AOPEP: variants seen among roughly 807,000 people sequenced by gnomAD.
The protein encoded by AOPEP is aminopeptidase O (putative), also known as aminopeptidase O.
A neutral mutation model predicts 98.1 loss-of-function variants in AOPEP; 77 were observed. The ratio of observed to expected loss-of-function variants is 0.78; its 90% CI spans 0.65 to 0.95. The LOEUF (loss-of-function observed/expected upper bound fraction) is 0.95, where lower values mean the gene tolerates loss of function less well. Ranked by LOEUF, AOPEP falls within the 40% of genes least tolerant of loss-of-function variation. The pLI, the probability that AOPEP is intolerant of heterozygous loss-of-function variation, is 0.00. For synonymous variants in AOPEP, 346 were observed against 365.3 expected (o/e 0.95, Z 0.60); for missense variants, 1,024 against 1,024.7 (o/e 1.00, Z 0.01).
At chr9:94,895,227 AATAAAATAAAAT>A (rs1227529614) in intron 5 of AOPEP, among the ~76,000 whole-genome samples, 2 of 21,450 alleles carry the variant, frequency 9.3e-5, no homozygotes, top group Admixed American at 4.6e-4. Flanking sequence ...ACTAAAAAAA[AATAAAATAAAAT>A]AAAAAAAAAA....
intron 9 of AOPEP, among the ~76,000 whole-genome samples, chr9:94,960,873 G>A (rs1589087645): frequency 6.6e-6 from 1 of 151,960 alleles, no homozygotes; most frequent in Non-Finnish European, 1.5e-5. Context: ...TTAGCCGGGC[G>A]CGGTGGGGGG....
At chr9:94,893,429 G>A (rs921298077) in intron 5 of AOPEP, among the ~76,000 whole-genome samples, 1 of 152,160 alleles carries the variant, frequency 6.6e-6, no homozygotes, top group African/African-American at 2.4e-5. Flanking sequence ...TTTCATGGAT[G>A]AGTCCAGACT....
At chr9:95,115,970 G>A in the AOPEP span, among the ~76,000 whole-genome samples, 2 of 152,310 alleles carry the variant, frequency 1.3e-5, no homozygotes, top group South Asian at 4.1e-4. Context: ...TCTTCAATCT[G>A]TGACCATAAC....
intron 16 of AOPEP, chr9:95,082,977 C>T (rs1272941534): frequency 2.1e-6 from 1 of 472,828 alleles, no homozygotes; most frequent in Non-Finnish European, 3.8e-6. Context: ...AGCGGCACTC[C>T]TTGGCACTAT....
intron 7 of AOPEP, among the ~76,000 whole-genome samples, chr9:94,934,353 A>G (rs1260320662): frequency 1.8e-5 from 2 of 112,976 alleles, no homozygotes; most frequent in African/African-American, 4.0e-5. Flanking sequence ...GTCTGGCTCT[A>G]TTGCCCAGGC....
chr9:95,085,329 G>T (rs370281639), intron 16 of AOPEP: 3 of 482,588 alleles, frequency 6.2e-6, no homozygotes, highest in African/African-American at 3.9e-5. Context: ...CCGTGGTCGC[G>T]CTCACTGCAG....
chr9:95,083,399 CGCACGCACCACGCAGA>C (rs1328205297), intron 16 of AOPEP, among the ~76,000 whole-genome samples: 1 of 146,930 alleles, frequency 6.8e-6, no homozygotes, highest in Non-Finnish European at 1.5e-5. Flanking sequence ...GCACACACAG[CGCACGCACCACGCAGA>C]GCACACACGG....
intron 11 of AOPEP, among the ~76,000 whole-genome samples, chr9:94,985,304 C>T (rs1248560057): frequency 6.6e-6 from 1 of 152,244 alleles, no homozygotes; most frequent in Non-Finnish European, 1.5e-5. Flanking sequence ...CGAGCAAACA[C>T]CTGCAAGTTG....
chr9:95,101,640 T>TC, the AOPEP span: 1 of 1,591,912 alleles, frequency 6.3e-7, no homozygotes, highest in Admixed American at 1.7e-5. Flanking sequence ...CCACAGGTCA[T>TC]CACCTGTCCT....
chr9:95,108,774 T>G, the AOPEP span, among the ~76,000 whole-genome samples: 1 of 152,232 alleles, frequency 6.6e-6, no homozygotes. Context: ...TCGGTTTATA[T>G]ACTTCTTGTC....
At chr9:94,732,715 T>A (rs566717990) in intron 1 of AOPEP, among the ~76,000 whole-genome samples, 1 of 152,206 alleles carries the variant, frequency 6.6e-6, no homozygotes, top group African/African-American at 2.4e-5. Flanking sequence ...GAGAAATGGG[T>A]TGTTCTCTCC....
At chr9:95,091,385 G>C (rs1305123480), downstream of AOPEP, among the ~76,000 whole-genome samples, 1 of 152,200 alleles carries the variant, frequency 6.6e-6, no homozygotes, top group Non-Finnish European at 1.5e-5. Flanking sequence ...TAAGCGGGGT[G>C]CTGCCTGGCA....
At chr9:95,086,044 T>C (rs746151874) in intron 16 of AOPEP, 13 of 1,367,510 alleles carry the variant, frequency 9.5e-6, no homozygotes, top group South Asian at 1.1e-5. Flanking sequence ...TGAGCTGATA[T>C]CAGTTCTCAT....
intron 5 of AOPEP, among the ~76,000 whole-genome samples, chr9:94,891,132 T>C (rs890157713): frequency 6.6e-6 from 1 of 152,236 alleles, no homozygotes; most frequent in African/African-American, 2.4e-5. Context: ...GTTTAGTGCA[T>C]ACACATTTAG....
At chr9:94,735,411 A>T (rs908301344) in intron 1 of AOPEP, among the ~76,000 whole-genome samples, 1 of 151,934 alleles carries the variant, frequency 6.6e-6, no homozygotes, top group Admixed American at 6.6e-5. Flanking sequence ...TAGTAGAGAC[A>T]GGGTTTCACC....
At chr9:94,957,680 C>G (rs1166197651) in intron 9 of AOPEP, among the ~76,000 whole-genome samples, 1 of 152,196 alleles carries the variant, frequency 6.6e-6, no homozygotes, top group Non-Finnish European at 1.5e-5. Flanking sequence ...TCACCAAACC[C>G]AGAAGAAATC....
intron 1 of AOPEP, among the ~76,000 whole-genome samples, chr9:94,758,649 A>G (rs1339323586): frequency 3.3e-5 from 5 of 152,192 alleles, no homozygotes; most frequent in East Asian, 3.8e-4. Flanking sequence ...TATTTTAAAC[A>G]TATCTGCTCT....
chr9:95,123,927 A>C, the AOPEP span: 1 of 387,652 alleles, frequency 2.6e-6, no homozygotes, highest in Non-Finnish European at 5.0e-6. Flanking sequence ...TAAAATGGAA[A>C]TTGTACTTAA....
chr9:95,135,785 G>A, the AOPEP span, among the ~76,000 whole-genome samples: 1 of 152,182 alleles, frequency 6.6e-6, no homozygotes, highest in Non-Finnish European at 1.5e-5. Flanking sequence ...GAAGAAAGAG[G>A]GAGCGATAAA....
Sources: gnomAD v4.1 joint callset for allele counts (sites outside exome capture counted in the v4.1 genomes callset) on GRCh38, gnomAD v4.1.1 for gene constraint, MANE v1.5 for transcripts, NCBI Gene and HGNC (gene_info 2026-07-23, HGNC 2026-07-21) for gene names.